KDM5C: variants seen among roughly 807,000 people sequenced by gnomAD.
KDM5C encodes lysine-specific demethylase 5C.
KDM5C carries 16 observed loss-of-function variants against 110.6 expected under a neutral mutation model. The observed-to-expected ratio is 0.14, with a 90% CI of 0.10 to 0.22. The LOEUF is 0.22. Ranked by LOEUF, KDM5C falls within the 10% of genes least tolerant of loss-of-function variation. KDM5C has a pLI of 1.00. For missense variants in KDM5C, 681 were observed against 1,300.9 expected, an observed-to-expected ratio of 0.52 and a Z score of 7.33; for synonymous variants, 511 against 520.4, an observed-to-expected ratio of 0.98 and a Z score of 0.24.
In KDM5C at chrX:53,177,933, A is replaced by T. The variant is rs781903257; in HGVS notation, c.4309-1311T>A. On this transcript the variant is annotated intron_variant, in intron 25 of 25. Transcript: ENST00000685641. ...GAGTACAGTGGCGTGATCACGGCTC[A>T]CTGCAGTCTCCACCTCCCGGGCTCA... is the stretch of plus-strand genomic sequence containing the variant. Among the ~76,000 whole-genome samples, 3 of 111,529 alleles carry T rather than the reference A, an allele frequency of 2.7e-5. No individual in the cohort carries two copies. In the South Asian group the frequency reaches 1.1e-3, roughly 42 times the overall value.
chrX:53,201,611 T>A lies in KDM5C; in HGVS notation c.2000A>T (p.His667Leu), dbSNP rs1556841781. ...KLDLNLAAAV[H>L]KEMFIMVQEE... ...TTGCACCATGATGAACATCTCCTTA[T>A]GCACAGCTGCCGCCAGGTTCAGGTC... The change falls in exon 14 of 26, where the codon CAT becomes CTT. Residue 667 changes from histidine (H) to leucine (L), a missense_variant. Physicochemically the swap from His to Leu is moderately conservative, Grantham distance 99 (BLOSUM62 -3). Around this residue, in one of 14 missense-constraint regions of KDM5C, gnomAD observed 42 missense variants for 98.9 expected, o/e 0.42. Transcript: ENST00000375401. 1 of 1,212,108 alleles carries A rather than the reference T, an allele frequency of 8.3e-7. No homozygotes were observed. Among genetic ancestry groups the A allele is most frequent in the East Asian group, 3.0e-5 (1 of 33,857 alleles).
At chrX:53,203,185 T>G (rs1223660779) in intron 12 of KDM5C, among the ~76,000 whole-genome samples, 1 of 112,166 alleles carries the variant, frequency 8.9e-6, no homozygotes, top group East Asian at 2.8e-4. Flanking sequence ...TCTTCTAGTG[T>G]TACTGTTGAA....
At chrX:53,217,377 C>T in intron 4 of KDM5C, 100 bp from the exon 5 acceptor site, 1 of 1,002,678 alleles carries the variant, frequency 1.0e-6, no homozygotes, top group Non-Finnish European at 1.4e-6. Context: ...AGCTGTGGTC[C>T]ACTCACCTGA....
At chrX:53,207,298 A>G (rs2073374917) in intron 12 of KDM5C, among the ~76,000 whole-genome samples, 1 of 111,128 alleles carries the variant, frequency 9.0e-6, no homozygotes. Context: ...TACCATTTCT[A>G]TGTGTAATTG....
At chrX:53,182,649 G>C (rs1338201168) in intron 25 of KDM5C, among the ~76,000 whole-genome samples, 4 of 113,275 alleles carry the variant, frequency 3.5e-5, no homozygotes, top group Non-Finnish European at 7.5e-5. Context: ...TTACAGGCGT[G>C]AGCCACTGCG....
rs370032584 is a variant in KDM5C, at chrX:53,201,570, G to T, written c.2041C>A (p.Arg681=). 17 of 1,209,766 alleles carry T rather than the reference G, an allele frequency of 1.4e-5. No homozygotes were observed. The African/African-American group carries it at 2.8e-4, about 20-fold the overall frequency. The change falls in exon 14 of 26, where the codon CGA becomes AGA. Residue 681 remains arginine (R), a synonymous_variant. Coordinates refer to ENST00000375401, the MANE Select transcript of KDM5C (RefSeq NM_004187.5). ...FIMVQEERRL[R]KALLEKGITE... is the part of the protein sequence containing the mutation. The stretch of plus-strand genomic sequence containing the variant: ...CCCACCTTCTCCAGCAGGGCCTTTC[G>T]TAGACGCCGCTCTTCTTGCACCATG...
At chrX:53,187,916 G>C (rs1556828626), downstream of KDM5C, among the ~76,000 whole-genome samples, 1 of 109,189 alleles carries the variant, frequency 9.2e-6, no homozygotes, top group Non-Finnish European at 1.9e-5. Context: ...CTAATTTTTT[G>C]TATTTTTAGT....
chrX:53,214,755 G>A lies in KDM5C; in HGVS notation c.1056C>T (p.Phe352=). ...TCTCAGGCAGAGGAGGCAGCAGGCAGAAGATGTGGTAGTTGTCATCACAGC... is the reference window on the plus strand; with the variant it reads ...TCTCAGGCAGAGGAGGCAGCAGGCAAAAGATGTGGTAGTTGTCATCACAGC... The part of the protein sequence containing the change: ...CDGCDDNYHI[F]CLLPPLPEIP... Residue 352 remains phenylalanine, a synonymous_variant, in exon 8 of 26, where the codon TTC becomes TTT. Coordinates refer to ENST00000375401, the MANE Select transcript of KDM5C (RefSeq NM_004187.5). The A allele has an allele frequency of 1.7e-6, 2 of 1,210,379 alleles. No individual in the cohort carries two copies. Among genetic ancestry groups the A allele is most frequent in the Middle Eastern group, 2.3e-4 (1 of 4,353 alleles).
chrX:53,201,335 A>T (rs1031652772), intron 14 of KDM5C: 18 of 447,181 alleles, frequency 4.0e-5, no homozygotes, highest in Admixed American at 2.5e-4. Context: ...CATTATCATA[A>T]TCCCATTTTT....
exon 26 of KDM5C, among the ~76,000 whole-genome samples, chrX:53,176,386 A>G (rs1279543809): frequency 1.8e-5 from 2 of 112,285 alleles, no homozygotes; most frequent in African/African-American, 6.5e-5. Flanking sequence ...ATAGTAGGGA[A>G]GGAACGTAAA....
chrX:53,211,965 C>A, intron 8 of KDM5C, 59 bp from the exon 9 acceptor site: 1 of 1,186,421 alleles, frequency 8.4e-7, no homozygotes, highest in Non-Finnish European at 1.1e-6. Context: ...AGAATCCTCC[C>A]AAGTGGAACT....
At chrX:53,196,641 G>C in intron 19 of KDM5C, 45 bp downstream of exon 19, 1 of 1,108,336 alleles carries the variant, frequency 9.0e-7, no homozygotes, top group Non-Finnish European at 1.2e-6. Flanking sequence ...ACTCAACTTT[G>C]ATGTTTGGAA....
At chrX:53,219,025 A>G (rs1258456512) in intron 2 of KDM5C, among the ~76,000 whole-genome samples, 3 of 112,711 alleles carry the variant, frequency 2.7e-5, no homozygotes, top group African/African-American at 9.7e-5. Context: ...TATACAGATG[A>G]GGAAACAGAG....
intron 4 of KDM5C, 37 bp downstream of exon 4, chrX:53,217,759 G>A: frequency 3.3e-6 from 4 of 1,199,562 alleles, no homozygotes; most frequent in Non-Finnish European, 4.5e-6. Context: ...TGTGCTGAAG[G>A]GTAAAGCCGC....
At chrX:53,218,623 T>A (rs782650919) in intron 2 of KDM5C, 5 of 470,159 alleles carry the variant, frequency 1.1e-5, no homozygotes, top group Non-Finnish European at 1.5e-5. Context: ...TCGCCCAAGC[T>A]GGAATGGAGT....
chrX:53,206,840 G>T (rs2073346778), intron 12 of KDM5C, among the ~76,000 whole-genome samples: 2 of 79,858 alleles, frequency 2.5e-5, no homozygotes, highest in Non-Finnish European at 4.5e-5. Flanking sequence ...CTCCACCCAG[G>T]GCAACAGAGC....
At chrX:53,207,108 C>T (rs1325586745) in intron 12 of KDM5C, among the ~76,000 whole-genome samples, 5 of 84,972 alleles carry the variant, frequency 5.9e-5, no homozygotes, top group Admixed American at 1.7e-4. Flanking sequence ...ACCCGGGAGG[C>T]GGAGGTTGCA....
chrX:53,197,061 T>C lies in KDM5C; in HGVS notation c.2623-17A>G. The C allele has an allele frequency of 8.7e-7, 1 of 1,146,479 alleles. No individual in the cohort carries two copies. Among genetic ancestry groups the C allele is most frequent in the Non-Finnish European group, 1.2e-6 (1 of 846,347 alleles). 94.5% of individuals were successfully genotyped at this position (1,146,479 alleles called of 1,213,427 possible). ...CAGAACACCCTACCAGGACACAGGA[T>C]GAAGAACAAACTCCTCAGCTGGGCC... On this transcript the variant is annotated splice_polypyrimidine_tract_variant and intron_variant, in intron 18 of 25. Coordinates refer to ENST00000375401, the MANE Select transcript of KDM5C (RefSeq NM_004187.5).
At chrX:53,203,836 G>A (rs112355787) in intron 12 of KDM5C, among the ~76,000 whole-genome samples, 1,145 of 108,094 alleles carry the variant, frequency 0.011, 10 homozygotes, top group South Asian at 0.018. Context: ...GTGCAATTTC[G>A]GCTCACTGCA....
Sources: allele counts gnomAD v4.1 joint callset (sites outside exome capture counted in the v4.1 genomes callset), GRCh38; gene constraint gnomAD v4.1.1; regional missense constraint gnomAD v4.1.1; transcripts MANE v1.5; gene names NCBI Gene and HGNC (gene_info 2026-07-23, HGNC 2026-07-21).